The following CNTN5 variants were observed in gnomAD, a reference collection of about 807,000 sequenced individuals.
The protein encoded by CNTN5 is contactin 5, also known as contactin-5.
CNTN5 carries 77 observed loss-of-function variants against 129.1 expected under a neutral mutation model. That is an observed-to-expected ratio of 0.60 (90% CI 0.50 to 0.72). CNTN5 has a LOEUF of 0.72. Ranked by LOEUF, CNTN5 falls within the 30% of genes least tolerant of loss-of-function variation. The pLI, the probability that CNTN5 is intolerant of heterozygous loss-of-function variation, is 0.00. For synonymous variants in CNTN5, 509 were observed against 465.6 expected (o/e 1.09, Z -1.20); for missense variants, 1,478 against 1,328.8 (o/e 1.11, Z -1.75).
chr11:99,780,990 A>G (rs1006190736), intron 3 of CNTN5, among the ~76,000 whole-genome samples: 3 of 152,002 alleles, frequency 2.0e-5, no homozygotes, highest in Non-Finnish European at 2.9e-5. Context: ...TGAACACACA[A>G]TGTTTCATGT....
chr11:99,442,468 C>G (rs1339250086), intron 2 of CNTN5, among the ~76,000 whole-genome samples: 3 of 152,128 alleles, frequency 2.0e-5, no homozygotes, highest in Non-Finnish European at 4.4e-5. Context: ...CTGCACCTGG[C>G]TTTGAGGGCT....
At chr11:100,006,262 G>C (rs1222664439) in intron 9 of CNTN5, among the ~76,000 whole-genome samples, 1 of 152,066 alleles carries the variant, frequency 6.6e-6, no homozygotes. Flanking sequence ...TGATAAGGGT[G>C]GTGGCTGCTA....
chr11:99,410,760 C>T (rs1217387615), intron 2 of CNTN5, among the ~76,000 whole-genome samples: 2 of 152,184 alleles, frequency 1.3e-5, no homozygotes. Flanking sequence ...TTTGTGCGTA[C>T]ATATGGCACA....
chr11:99,487,368 T>C (rs755398188), intron 2 of CNTN5, among the ~76,000 whole-genome samples: 3 of 152,200 alleles, frequency 2.0e-5, no homozygotes, highest in Non-Finnish European at 4.4e-5. Flanking sequence ...TTCTGCACTG[T>C]GATTACTTAT....
At chr11:99,196,462 G>T (rs1167308962) in intron 1 of CNTN5, among the ~76,000 whole-genome samples, 1 of 151,846 alleles carries the variant, frequency 6.6e-6, no homozygotes, top group Admixed American at 6.6e-5. Flanking sequence ...TTTATGTTTA[G>T]ATATTTAATA....
chr11:99,033,603 T>A, intron 1 of CNTN5, among the ~76,000 whole-genome samples: 1 of 151,858 alleles, frequency 6.6e-6, no homozygotes, highest in East Asian at 1.9e-4. Context: ...GCTTGTGATT[T>A]TTGTACATTG....
chr11:99,535,390 T>C (rs572270080), intron 2 of CNTN5, among the ~76,000 whole-genome samples: 8 of 152,222 alleles, frequency 5.3e-5, no homozygotes, highest in African/African-American at 9.6e-5. Flanking sequence ...AATTTACGTT[T>C]AGCTTTGCTG....
intron 13 of CNTN5, among the ~76,000 whole-genome samples, chr11:100,084,125 T>G (rs78718923): frequency 0.021 from 3,259 of 152,272 alleles, 47 homozygotes; most frequent in Non-Finnish European, 0.03. Flanking sequence ...ATGGTTCATT[T>G]ACCCCAGTTA....
At chr11:99,570,711 T>C (rs1949149120) in intron 3 of CNTN5, among the ~76,000 whole-genome samples, 1 of 152,142 alleles carries the variant, frequency 6.6e-6, no homozygotes, top group South Asian at 2.1e-4. Flanking sequence ...AGACAGACAC[T>C]TTAGCAAGAA....
chr11:99,097,524 A>C (rs1470259524), intron 1 of CNTN5, among the ~76,000 whole-genome samples: 1 of 151,922 alleles, frequency 6.6e-6, no homozygotes, highest in Non-Finnish European at 1.5e-5. Context: ...CATACCATAC[A>C]TAATACAATT....
At chr11:99,490,364 G>A (rs1014053390) in intron 2 of CNTN5, among the ~76,000 whole-genome samples, 1 of 152,120 alleles carries the variant, frequency 6.6e-6, no homozygotes, top group Non-Finnish European at 1.5e-5. Flanking sequence ...CATTATTGAG[G>A]GAGAACAAAG....
rs77207717 is a variant in CNTN5 at position 100,001,387 on chromosome 11, G to C, written c.878-647G>C. On this transcript the variant is annotated intron_variant, in intron 8 of 24. Coordinates refer to ENST00000524871, the MANE Select transcript of CNTN5 (RefSeq NM_014361.4). ...TCCTACCACGTGCCTCTCGACATACGCAGATTACAATTTGAGATGTGATTT... is the reference window on the plus strand; with the variant it reads ...TCCTACCACGTGCCTCTCGACATACCCAGATTACAATTTGAGATGTGATTT... Among the ~76,000 whole-genome samples the C allele has an allele frequency of 4.4e-3, 677 of 152,194 alleles. 5 individuals carry two copies. The highest frequency in any genetic ancestry group is 7.3e-3 in the Non-Finnish European group (496 of 67,998).
intron 15 of CNTN5, among the ~76,000 whole-genome samples, chr11:100,195,164 A>G (rs1431593475): frequency 6.6e-6 from 1 of 152,060 alleles, no homozygotes; most frequent in African/African-American, 2.4e-5. Context: ...ATTTTAAAAT[A>G]TCACATTTTG....
At chr11:99,550,544 T>C (rs745700981) in intron 2 of CNTN5, among the ~76,000 whole-genome samples, 9 of 152,118 alleles carry the variant, frequency 5.9e-5, no homozygotes, top group African/African-American at 9.7e-5. Context: ...AGAGTCATGG[T>C]TGAGATGGAG....
chr11:100,074,227 C>A lies in CNTN5; in HGVS notation c.1513C>A (p.Pro505Thr), dbSNP rs748042022. ...CCAAGAAGTTGTCATAGAGTGCAAA[C>A]CCCAAGGCTCTCCAAAACCAACCAT... ...KDQEVVIECKPQGSPKPTISW... is the reference protein window; with the variant it reads ...KDQEVVIECKTQGSPKPTISW... The change falls in exon 13 of 25, where the codon CCC (proline) becomes ACC (threonine). Residue 505 changes from proline (P) to threonine (T), a missense_variant. Transcript: ENST00000524871. The A allele has an allele frequency of 6.2e-7, 1 of 1,611,732 alleles. No homozygotes were observed. Among genetic ancestry groups the A allele is most frequent in the East Asian group, 2.2e-5 (1 of 44,702 alleles).
chr11:99,123,256 A>G (rs143022336), intron 1 of CNTN5, among the ~76,000 whole-genome samples: 15 of 151,824 alleles, frequency 9.9e-5, no homozygotes, highest in African/African-American at 3.4e-4. Flanking sequence ...GGTATGATAT[A>G]ATATGTCATT....
intron 7 of CNTN5, among the ~76,000 whole-genome samples, chr11:99,943,495 G>C (rs1591457954): frequency 1.3e-5 from 2 of 151,940 alleles, no homozygotes; most frequent in Admixed American, 6.6e-5. Context: ...CTTGTTCACT[G>C]TGATGATAGT....
chr11:99,993,064 T>C lies in CNTN5; in HGVS notation c.878-8970T>C, dbSNP rs865986398. 3.9e-5 allele frequency among the ~76,000 whole-genome samples: 6 copies of C among 152,344 alleles called. No homozygotes were observed. The Middle Eastern group carries it at 0.01, about 259-fold the overall frequency. On this transcript the variant is annotated intron_variant, in intron 8 of 24. Coordinates refer to ENST00000524871, the MANE Select transcript of CNTN5 (RefSeq NM_014361.4). Reference sequence around the variant, plus strand: ...TCTTTGACTGTGTGTCTTATGGGACTGTCTCCCTTCCCTTTCAGCATCAAA... The same window carrying C: ...TCTTTGACTGTGTGTCTTATGGGACCGTCTCCCTTCCCTTTCAGCATCAAA...
At chr11:100,196,431 AT>A in intron 15 of CNTN5, among the ~76,000 whole-genome samples, 1 of 152,070 alleles carries the variant, frequency 6.6e-6, no homozygotes, top group South Asian at 2.1e-4. Context: ...TTGCATATAA[AT>A]CTCTAGTCAA....
Sources: gnomAD v4.1 joint callset for allele counts (sites outside exome capture counted in the v4.1 genomes callset) on GRCh38, gnomAD v4.1.1 for gene constraint, MANE v1.5 for transcripts, NCBI Gene and HGNC (gene_info 2026-07-23, HGNC 2026-07-21) for gene names.